The following CDH17 variants were observed in gnomAD, a reference collection of about 807,000 sequenced individuals.
CDH17 encodes the protein cadherin 17.
In CDH17, 67 loss-of-function variants were observed where a neutral mutation model predicts 86.3. The ratio of observed to expected loss-of-function variants is 0.78; its 90% CI spans 0.64 to 0.95. CDH17 has a LOEUF of 0.95. Among genes scored for constraint, CDH17 ranks in the 40% least tolerant of loss-of-function variants. The pLI is 0.00. For synonymous variants in CDH17, 367 were observed against 366.4 expected, an observed-to-expected ratio of 1.00 and a Z score of -0.02; for missense variants, 993 against 1,017.6, an observed-to-expected ratio of 0.98 and a Z score of 0.33.
In CDH17 at chr8:94,127,722, A is replaced by G. The variant is rs532733284; in HGVS notation, c.*518T>C. The G allele has an allele frequency of 2.0e-5, 3 of 153,236 alleles. No homozygotes were observed. The highest frequency in any genetic ancestry group is 6.5e-5 in the Admixed American group (1 of 15,426). 9.5% of individuals were successfully genotyped at this position (153,236 alleles called of 1,614,324 possible). A position where few individuals can be genotyped will look rare whatever the true frequency, so the allele number is the denominator to read the frequency against. ...TATTTAATGAGTCTGTCTTGCCCCA[A>G]AAGGGAAAAACACAAGTAGCTAAGC... On this transcript the variant is annotated 3_prime_UTR_variant, in exon 18 of 18. Transcript: ENST00000027335.
At position 94,165,969 on chromosome 8, in the gene CDH17, A is replaced by G; in HGVS notation, c.1074T>C (p.Ser358=). ...EVQENERLGN[S]IGTLTAHDRD... Reference sequence around the variant, plus strand: ...TGTCATGTGCAGTAAGGGTCCCGATACTGTTACCTATGAGGAAGGAAAGAA... The same window carrying G: ...TGTCATGTGCAGTAAGGGTCCCGATGCTGTTACCTATGAGGAAGGAAAGAA... The change falls in exon 10 of 18, where the codon AGT becomes AGC. Residue 358 remains serine, a synonymous_variant. Coordinates refer to ENST00000027335, the MANE Select transcript of CDH17 (RefSeq NM_004063.4). 6.2e-7 allele frequency: 1 copy of G among 1,607,550 alleles called. No individual in the cohort carries two copies. The highest frequency in any genetic ancestry group is 1.1e-5 in the South Asian group (1 of 90,876).
intron 17 of CDH17, among the ~76,000 whole-genome samples, 172 bp from the exon 18 acceptor site, chr8:94,128,512 T>C (rs879669602): frequency 6.6e-6 from 1 of 152,174 alleles, no homozygotes; most frequent in Non-Finnish European, 1.5e-5. Context: ...TTGGCCTTCT[T>C]GGAGAAATGA....
intron 15 of CDH17, among the ~76,000 whole-genome samples, chr8:94,136,882 A>G (rs988061512): frequency 2.6e-5 from 4 of 152,176 alleles, no homozygotes; most frequent in African/African-American, 9.7e-5. Context: ...CAGGTCCCTC[A>G]GCTGCAGGTC....
chr8:94,140,006 T>C (rs1812607220), intron 15 of CDH17, among the ~76,000 whole-genome samples: 1 of 152,182 alleles, frequency 6.6e-6, no homozygotes, highest in Non-Finnish European at 1.5e-5. Context: ...TATGATGTAA[T>C]TAAATTAGAA....
chr8:94,212,678 G>T (rs986334967), upstream of CDH17, among the ~76,000 whole-genome samples: 1 of 152,232 alleles, frequency 6.6e-6, no homozygotes, highest in African/African-American at 2.4e-5. Flanking sequence ...ATTTAAGGAA[G>T]ATAGTTTGAG....
chr8:94,129,198 T>C (rs1330909619), intron 17 of CDH17, among the ~76,000 whole-genome samples: 1 of 152,178 alleles, frequency 6.6e-6, no homozygotes, highest in Non-Finnish European at 1.5e-5. Flanking sequence ...AGAAAATTGC[T>C]ATCTGATTTG....
At chr8:94,185,896 T>C (rs1247925889) in intron 3 of CDH17, among the ~76,000 whole-genome samples, 2 of 152,318 alleles carry the variant, frequency 1.3e-5, no homozygotes, top group East Asian at 1.9e-4. Context: ...CTCCCTCTTG[T>C]CCCAAATACT....
rs187981885 is a variant in CDH17, at chr8:94,130,943, C to G, written c.2217G>C (p.Glu739Asp). The G allele has an allele frequency of 4.3e-6, 7 of 1,611,040 alleles. No homozygotes were observed. The highest frequency in any genetic ancestry group is 5.9e-6 in the Non-Finnish European group (7 of 1,177,284). The change falls in exon 16 of 18, where the codon GAG becomes GAC. Residue 739 changes from glutamate (E) to aspartate (D), a missense_variant. Glu to Asp is a conservative substitution (Grantham distance 45). Transcript: ENST00000027335. ...CATTGATGCGGATCAAGACGACATACTCCCTCTCCTCAAACTCTGTGTGCC... is the reference window on the plus strand; with the variant it reads ...CATTGATGCGGATCAAGACGACATAGTCCCTCTCCTCAAACTCTGTGTGCC... The part of the protein sequence containing the change: ...STRHTEFEER[E>D]YVVLIRINDG...
chr8:94,193,451 A>G lies in CDH17; in HGVS notation c.51+1184T>C, dbSNP rs534574762. On this transcript the variant is annotated intron_variant, in intron 2 of 17. Coordinates refer to ENST00000027335, the MANE Select transcript of CDH17 (RefSeq NM_004063.4). ...GCTGATCCAAGAGCTTTGTAAATGC[A>G]GTATCTCATTGAATTGCCACAAAAT... 1.2e-4 allele frequency among the ~76,000 whole-genome samples: 19 copies of G among 152,348 alleles called. 1 individual carries two copies. The highest frequency in any genetic ancestry group is 9.1e-4 in the Admixed American group (14 of 15,304).
At chr8:94,171,500 G>A (rs151209213) in intron 7 of CDH17, among the ~76,000 whole-genome samples, 5 of 152,264 alleles carry the variant, frequency 3.3e-5, no homozygotes, top group African/African-American at 4.8e-5. Context: ...AGAGACTTCA[G>A]GGATGAGAAT....
chr8:94,195,433 C>T (rs185679526), intron 1 of CDH17, among the ~76,000 whole-genome samples: 5 of 152,326 alleles, frequency 3.3e-5, no homozygotes, highest in Non-Finnish European at 7.4e-5. Context: ...GCTCACAATT[C>T]TTCATTCAAA....
Position 94,128,262 on chromosome 8 carries a change from T to G in CDH17, c.2477A>C (p.Glu826Ala). ...AATTCAGCTTCTCAGAGGTTTGACT[T>G]CAGATGCTTGAGCACTTTCAACATT... ...KDNVESAQAS[E>A]VKPLRS Residue 826 changes from glutamate to alanine, a missense_variant, in exon 18 of 18, where the codon GAA becomes GCA. Transcript: ENST00000027335. 6.2e-7 allele frequency: 1 copy of G among 1,612,794 alleles called. No individual in the cohort carries two copies. Among genetic ancestry groups the G allele is most frequent in the Non-Finnish European group, 8.5e-7 (1 of 1,178,976 alleles).
chr8:94,135,838 A>T (rs1812512799), intron 15 of CDH17, among the ~76,000 whole-genome samples: 1 of 152,114 alleles, frequency 6.6e-6, no homozygotes, highest in Non-Finnish European at 1.5e-5. Flanking sequence ...AGCTCTTGTA[A>T]GGCAGGCCTG....
intron 14 of CDH17, among the ~76,000 whole-genome samples, chr8:94,148,447 T>C (rs1235399307): frequency 2.1e-5 from 3 of 141,252 alleles, no homozygotes; most frequent in African/African-American, 8.0e-5. Flanking sequence ...AAGGCTGAGG[T>C]AGGAGAATTG....
chr8:94,167,792 G>A (rs1411659709), intron 9 of CDH17, among the ~76,000 whole-genome samples: 1 of 152,074 alleles, frequency 6.6e-6, no homozygotes, highest in Non-Finnish European at 1.5e-5. Flanking sequence ...GCTGGCATCA[G>A]AGGACACCCC....
intron 7 of CDH17, among the ~76,000 whole-genome samples, chr8:94,173,153 G>C (rs1000800575): frequency 1.3e-5 from 2 of 152,192 alleles, no homozygotes; most frequent in African/African-American, 4.8e-5. Context: ...AGGTGAGGGT[G>C]AGTGAAGTTC....
chr8:94,166,553 TG>T (rs1305718854), intron 9 of CDH17, among the ~76,000 whole-genome samples: 2 of 152,118 alleles, frequency 1.3e-5, no homozygotes, highest in Admixed American at 6.5e-5. Context: ...ACATATAATT[TG>T]GGGGGCACGG....
chr8:94,138,256 T>C (rs1586233204), intron 15 of CDH17, among the ~76,000 whole-genome samples: 1 of 152,016 alleles, frequency 6.6e-6, no homozygotes. Context: ...AGATAAGATA[T>C]AGTAACAGGG....
At chr8:94,177,485 T>C in intron 4 of CDH17, 102 bp downstream of exon 4, 2 of 1,230,470 alleles carry the variant, frequency 1.6e-6, no homozygotes, top group Non-Finnish European at 2.3e-6. Context: ...AGGAAAGCTG[T>C]AACTGGATTC....
Sources: gnomAD v4.1 joint callset for allele counts (sites outside exome capture counted in the v4.1 genomes callset) on GRCh38, gnomAD v4.1.1 for gene constraint, MANE v1.5 for transcripts, NCBI Gene and HGNC (gene_info 2026-07-23, HGNC 2026-07-21) for gene names.